NIN: variants seen among roughly 807,000 people sequenced by gnomAD.
The protein encoded by NIN is glycogen synthase kinase 3 beta-interacting protein.
A neutral mutation model predicts 257.6 loss-of-function variants in NIN; 137 were observed. That is an observed-to-expected ratio of 0.53 (90% CI 0.46 to 0.61). NIN has a LOEUF of 0.61. Among genes scored for constraint, NIN ranks in the 20% least tolerant of loss-of-function variants. The probability of loss-of-function intolerance (pLI) is 0.00; values close to 1 mark genes in which losing one functional copy is unlikely to be tolerated. For synonymous variants in NIN, 918 were observed against 919.8 expected (o/e 1.00, Z 0.04); for missense variants, 2,439 against 2,501.2 (o/e 0.98, Z 0.53).
chr14:50,766,436 T>G (rs781625674), intron 13 of NIN, 40 bp from the exon 14 acceptor site: 2 of 1,582,238 alleles, frequency 1.3e-6, no homozygotes, highest in Non-Finnish European at 1.7e-6. Flanking sequence ...TTTTCCCGAG[T>G]GCCCTTCTTT....
Position 50,758,438 on chromosome 14 carries a change from CTCG to C in NIN, c.2589_2591del (p.Asp863del), listed in dbSNP as rs1566814070. On this transcript the variant is annotated inframe_deletion, in exon 18 of 31. Transcript: ENST00000530997. The stretch of plus-strand genomic sequence containing the variant: ...GGGCTTCCGCACACTCCTGGGTGAG[CTCG>C]TCCTTCTCAAATTCCCACTGGGATT... 6.2e-7 allele frequency: 1 copy of C among 1,614,134 alleles called. No homozygotes were observed. Among genetic ancestry groups the C allele is most frequent in the Admixed American group, 1.7e-5 (1 of 60,006 alleles).
chr14:50,771,273 A>G (rs1455241175), intron 10 of NIN, 59 bp downstream of exon 10: 1 of 1,589,100 alleles, frequency 6.3e-7, no homozygotes, highest in African/African-American at 1.3e-5. Context: ...AGGCATCCGA[A>G]TGACTTGCTG....
chr14:50,823,354 G>C (rs1488905065), intron 2 of NIN: 2 of 524,328 alleles, frequency 3.8e-6, no homozygotes, highest in African/African-American at 3.9e-5. Flanking sequence ...AAAAGCAGCA[G>C]CTTTCACTAA....
chr14:50,745,896 T>C (rs1055880965), intron 22 of NIN, among the ~76,000 whole-genome samples: 1 of 152,152 alleles, frequency 6.6e-6, no homozygotes, highest in East Asian at 1.9e-4. Context: ...AGGTCCACGT[T>C]GTATAATAGC....
intron 25 of NIN, among the ~76,000 whole-genome samples, chr14:50,740,595 G>T (rs2041237002): frequency 6.6e-6 from 1 of 151,990 alleles, no homozygotes; most frequent in South Asian, 2.1e-4. Flanking sequence ...TGATCCGCCC[G>T]CCTAGGCCTC....
intron 21 of NIN, among the ~76,000 whole-genome samples, chr14:50,749,317 G>T (rs1042679399): frequency 1.3e-5 from 2 of 152,082 alleles, no homozygotes; most frequent in African/African-American, 2.4e-5. Context: ...AACTCAAGAT[G>T]GATTAAAGAC....
chr14:50,739,550 C>T (rs1416861610), intron 25 of NIN, 63 bp from the exon 26 acceptor site: 26 of 1,523,492 alleles, frequency 1.7e-5, no homozygotes, highest in Non-Finnish European at 2.2e-5. Flanking sequence ...TGTTTTGAGA[C>T]AGGTGTCATG....
At chr14:50,792,116 T>C (rs2043622180) in intron 5 of NIN, 1 of 152,194 alleles carries the variant, frequency 6.6e-6, no homozygotes, top group South Asian at 2.1e-4. Flanking sequence ...TGAGGGAGGC[T>C]GGCGACTCTC....
At position 50,807,023 on chromosome 14, in the gene NIN, C is replaced by T. The variant is rs369760062; in HGVS notation, c.184-205G>A. Reference sequence around the variant, plus strand: ...CACCTCGTGCCGTAAACATTCATATCGATATTTATTCACCCCAAAGGAAAA... The same window carrying T: ...CACCTCGTGCCGTAAACATTCATATTGATATTTATTCACCCCAAAGGAAAA... On this transcript the variant is annotated intron_variant, in intron 3 of 30. Coordinates refer to ENST00000530997, the MANE Select transcript of NIN (RefSeq NM_020921.4). Among the ~76,000 whole-genome samples, 13 of 152,218 alleles carry T rather than the reference C, an allele frequency of 8.5e-5. No individual in the cohort carries two copies. In the East Asian group the frequency reaches 2.1e-3, roughly 25 times the overall value.
At chr14:50,765,284 A>G (rs1218035464) in intron 14 of NIN, among the ~76,000 whole-genome samples, 1 of 152,150 alleles carries the variant, frequency 6.6e-6, no homozygotes, top group Non-Finnish European at 1.5e-5. Flanking sequence ...GGAATTTCTG[A>G]AGGTAGAGCT....
At chr14:50,744,856 C>T (rs2041462969) in intron 22 of NIN, among the ~76,000 whole-genome samples, 1 of 152,140 alleles carries the variant, frequency 6.6e-6, no homozygotes, top group African/African-American at 2.4e-5. Context: ...ATCGCTTGAA[C>T]CTGGGAGGCA....
In NIN at chr14:50,784,098, T is replaced by C. The variant is rs185571626; in HGVS notation, c.436-5294A>G. ...AAACATAAAACTCATCCTGTGGGAC[T>C]TCAGATTCTCCCTACTCTGGAGGCA... On this transcript the variant is annotated intron_variant, in intron 5 of 30. Transcript: ENST00000530997. Among the ~76,000 whole-genome samples the C allele has an allele frequency of 1.8e-4, 28 of 152,338 alleles. No homozygotes were observed. In the East Asian group the frequency reaches 5.0e-3, roughly 27 times the overall value.
In NIN at chr14:50,760,339, C is replaced by T; in HGVS notation, c.1917G>A (p.Gln639=). 1 of 1,604,576 alleles carries T rather than the reference C, an allele frequency of 6.2e-7. No individual in the cohort carries two copies. Among genetic ancestry groups the T allele is most frequent in the Non-Finnish European group, 8.5e-7 (1 of 1,179,206 alleles). ...LEDKVRHYEK[Q]LDETVVSCKK... ...TGCAGCTGACCACGGTTTCGTCCAG[C>T]TGCTTTTCATAATGGCGCACCTGAA... Residue 639 remains glutamine (Q), a synonymous_variant, in exon 17 of 31, where the codon CAG becomes CAA. Coordinates refer to ENST00000530997, the MANE Select transcript of NIN (RefSeq NM_020921.4).
rs777256094 is a variant in NIN at position 50,758,671 on chromosome 14, A to C, written c.2400-41T>G. 91 of 1,511,640 alleles carry C rather than the reference A, an allele frequency of 6.0e-5. No individual in the cohort carries two copies. The Admixed American group carries it at 2.1e-3, about 34-fold the overall frequency. The allele number at this position is 1,511,640 out of a possible 1,614,324, so 93.6% of individuals were successfully genotyped here. On this transcript the variant is annotated intron_variant, in intron 17 of 30. Coordinates refer to ENST00000530997, the MANE Select transcript of NIN (RefSeq NM_020921.4). The stretch of plus-strand genomic sequence containing the variant: ...ATACAGCATTATTGAAACTGCCGCC[A>C]ACTCCAGAAGCAAACAAAAACCATT...
chr14:50,792,374 T>C (rs181850978), intron 5 of NIN: 3 of 209,180 alleles, frequency 1.4e-5, no homozygotes, highest in South Asian at 1.2e-4. Flanking sequence ...CTGGTTCGCC[T>C]TTTAAATAAC....
Position 50,775,439 on chromosome 14 carries a change from G to A in NIN, c.666+1510C>T, listed in dbSNP as rs572856769. Among the ~76,000 whole-genome samples the A allele has an allele frequency of 5.3e-5, 8 of 152,250 alleles. 1 individual carries two copies. The South Asian group carries it at 1.7e-3, about 32-fold the overall frequency. On this transcript the variant is annotated intron_variant, in intron 7 of 30. Coordinates refer to ENST00000530997, the MANE Select transcript of NIN (RefSeq NM_020921.4). ...TCTCTCTACCTATAAAATGAGAGGT[G>A]ACTAAATCTAAAATGGCGTTCAGTT... is the stretch of plus-strand genomic sequence containing the variant.
At chr14:50,801,511 G>A (rs189155462) in intron 4 of NIN, among the ~76,000 whole-genome samples, 71 of 152,282 alleles carry the variant, frequency 4.7e-4, no homozygotes, top group Admixed American at 1.2e-3. Context: ...ACAACAGAAC[G>A]AGCCTTTGGG....
At chr14:50,779,757 CAA>C (rs556080164) in intron 5 of NIN, among the ~76,000 whole-genome samples, 4 of 95,742 alleles carry the variant, frequency 4.2e-5, no homozygotes, top group Non-Finnish European at 2.2e-5. Context: ...GACTCCGTCT[CAA>C]AAAAAAAAAA....
At chr14:50,829,569 C>T (rs1213421435) in intron 2 of NIN, among the ~76,000 whole-genome samples, 1 of 152,100 alleles carries the variant, frequency 6.6e-6, no homozygotes, top group Non-Finnish European at 1.5e-5. Flanking sequence ...CAATCTGTTT[C>T]GATGTAATAA....
Sources: gnomAD v4.1 joint callset for allele counts (sites outside exome capture counted in the v4.1 genomes callset) on GRCh38, gnomAD v4.1.1 for gene constraint, MANE v1.5 for transcripts, NCBI Gene and HGNC (gene_info 2026-07-23, HGNC 2026-07-21) for gene names.